Variants in MYO1E observed in about 807,000 individuals in gnomAD.
The protein encoded by MYO1E is unconventional myosin-Ie.
Under a neutral mutation model 151.1 loss-of-function variants are expected in MYO1E, and 68 were observed. The ratio of observed to expected loss-of-function variants is 0.45; its 90% CI spans 0.37 to 0.55. The LOEUF (loss-of-function observed/expected upper bound fraction) is 0.55. Among genes scored for constraint, MYO1E ranks in the 20% least tolerant of loss-of-function variants. The probability of loss-of-function intolerance (pLI) is 0.00; values close to 1 mark genes in which losing one functional copy is unlikely to be tolerated. For missense variants in MYO1E, 1,363 were observed against 1,389.3 expected, an observed-to-expected ratio of 0.98 and a Z score of 0.30; for synonymous variants, 601 against 501.7, an observed-to-expected ratio of 1.20 and a Z score of -2.64.
intron 3 of MYO1E, among the ~76,000 whole-genome samples, chr15:59,258,874 G>A (rs1416872528): frequency 6.6e-6 from 1 of 151,084 alleles, no homozygotes. Context: ...AAAAAAAAAA[G>A]AAGAAAACAT....
intron 4 of MYO1E, 95 bp downstream of exon 4, chr15:59,256,189 G>T: frequency 1.1e-6 from 1 of 892,288 alleles, no homozygotes; most frequent in Non-Finnish European, 1.9e-6. Context: ...TGTGACATCA[G>T]TAGCTGTTGC....
chr15:59,304,675 T>A (rs558819960), intron 1 of MYO1E, among the ~76,000 whole-genome samples: 1 of 152,248 alleles, frequency 6.6e-6, no homozygotes, highest in Non-Finnish European at 1.5e-5. Flanking sequence ...TAGCCCGTGA[T>A]CTGGTTAGGG....
At chr15:59,220,262 A>G (rs1232239523) in intron 9 of MYO1E, among the ~76,000 whole-genome samples, 1 of 152,204 alleles carries the variant, frequency 6.6e-6, no homozygotes, top group Non-Finnish European at 1.5e-5. Context: ...TAGCCTGGTC[A>G]ACGTGGCAAA....
At chr15:59,279,241 T>C (rs1169361097) in intron 1 of MYO1E, among the ~76,000 whole-genome samples, 2 of 152,196 alleles carry the variant, frequency 1.3e-5, no homozygotes, top group African/African-American at 4.8e-5. Flanking sequence ...CCAGGTCTAC[T>C]GTGGGTCCAG....
chr15:59,363,907 T>C (rs1304106372), intron 1 of MYO1E, among the ~76,000 whole-genome samples: 7 of 152,196 alleles, frequency 4.6e-5, no homozygotes, highest in Admixed American at 4.6e-4. Flanking sequence ...CCCGAGTAGC[T>C]GGGATTACAG....
chr15:59,249,777 T>G (rs1264921547), intron 4 of MYO1E, among the ~76,000 whole-genome samples: 3 of 152,182 alleles, frequency 2.0e-5, no homozygotes, highest in Non-Finnish European at 4.4e-5. Flanking sequence ...AATGGTTTTT[T>G]CGTTTGTTTT....
chr15:59,234,640 T>A (rs1468769332), intron 5 of MYO1E, among the ~76,000 whole-genome samples: 1 of 151,802 alleles, frequency 6.6e-6, no homozygotes, highest in Non-Finnish European at 1.5e-5. Context: ...GGCAATGTGG[T>A]GAAACCCTGT....
intron 1 of MYO1E, among the ~76,000 whole-genome samples, chr15:59,291,915 TA>T (rs1189179995): frequency 2.0e-5 from 3 of 151,984 alleles, no homozygotes; most frequent in Non-Finnish European, 4.4e-5. Flanking sequence ...TCAAATACCA[TA>T]AATGCTCTAA....
chr15:59,163,043 A>C (rs2079546409), intron 23 of MYO1E, 114 bp downstream of exon 23: 1 of 1,230,278 alleles, frequency 8.1e-7, no homozygotes. Context: ...GGGGCCAGCC[A>C]GACCCCACTC....
At chr15:59,216,671 TATATATATATATATACACATACAC>T (rs2079918921) in intron 10 of MYO1E, among the ~76,000 whole-genome samples, 1 of 27,072 alleles carries the variant, frequency 3.7e-5, no homozygotes. Context: ...TATGTGTATA[TATATATATATATATACACATACAC>T]ACACACACAC....
intron 4 of MYO1E, among the ~76,000 whole-genome samples, chr15:59,252,891 AAAAGGAAAAGC>A (rs1304634230): frequency 6.6e-6 from 1 of 152,176 alleles, no homozygotes; most frequent in African/African-American, 2.4e-5. Context: ...GTCTCAAAAG[AAAAGGAAAAGC>A]AAAGGAAAAA....
intron 1 of MYO1E, among the ~76,000 whole-genome samples, chr15:59,284,511 GCAA>G (rs2080375901): frequency 6.6e-6 from 1 of 151,114 alleles, no homozygotes. Flanking sequence ...GTGCTGTGGC[GCAA>G]ACATAGCTCA....
chr15:59,321,828 T>C (rs945266686), intron 1 of MYO1E, among the ~76,000 whole-genome samples: 14 of 152,070 alleles, frequency 9.2e-5, no homozygotes, highest in African/African-American at 3.1e-4. Flanking sequence ...ATCACACCAC[T>C]GCACTCCAGC....
chr15:59,283,759 C>T (rs1420333552), intron 1 of MYO1E, among the ~76,000 whole-genome samples: 4 of 151,622 alleles, frequency 2.6e-5, no homozygotes, highest in Non-Finnish European at 1.5e-5. Context: ...AGCTGGGCTT[C>T]AAACCCAGGC....
intron 17 of MYO1E, among the ~76,000 whole-genome samples, chr15:59,193,800 G>A (rs2079748833): frequency 1.3e-5 from 2 of 152,106 alleles, no homozygotes; most frequent in Non-Finnish European, 2.9e-5. Flanking sequence ...CTCCTCATCC[G>A]GGCCTGAATA....
rs189168660 is a variant in MYO1E, at chr15:59,140,402, G to A, written c.3081-2035C>T. Among the ~76,000 whole-genome samples, 11 of 152,228 alleles carry A rather than the reference G, an allele frequency of 7.2e-5. No homozygotes were observed. In the East Asian group the frequency reaches 9.6e-4, roughly 13 times the overall value. ...ATTTAGCAAAAACAAAAAGGAAAAC[G>A]GAAACATGGAGAACATTTCTTTTTT... On this transcript the variant is annotated intron_variant, in intron 26 of 27. Coordinates refer to ENST00000288235, the MANE Select transcript of MYO1E (RefSeq NM_004998.4).
At chr15:59,172,133 A>T in intron 21 of MYO1E, 91 bp from the exon 22 acceptor site, 1 of 1,450,680 alleles carries the variant, frequency 6.9e-7, no homozygotes, top group Non-Finnish European at 9.5e-7. Flanking sequence ...GAGGCGGGTG[A>T]ATCACCTGAG....
intron 5 of MYO1E, among the ~76,000 whole-genome samples, chr15:59,235,162 C>G (rs139610296): frequency 1.3e-5 from 2 of 152,040 alleles, no homozygotes; most frequent in East Asian, 3.9e-4. Flanking sequence ...TCTCTTTTTT[C>G]CTTCTCTTAA....
intron 1 of MYO1E, among the ~76,000 whole-genome samples, chr15:59,340,657 C>T (rs2080759590): frequency 6.6e-6 from 1 of 152,132 alleles, no homozygotes; most frequent in Non-Finnish European, 1.5e-5. Context: ...TTTGCTTGGA[C>T]ATTTAATGTC....
Sources: allele counts gnomAD v4.1 joint callset (sites outside exome capture counted in the v4.1 genomes callset), GRCh38; gene constraint gnomAD v4.1.1; transcripts MANE v1.5; gene names NCBI Gene and HGNC (gene_info 2026-07-23, HGNC 2026-07-21).